GRB14: variants seen among roughly 807,000 people sequenced by gnomAD.
GRB14 encodes growth factor receptor-bound protein 14.
A neutral mutation model predicts 69.1 loss-of-function variants in GRB14; 38 were observed. The ratio of observed to expected loss-of-function variants is 0.55; its 90% CI spans 0.42 to 0.72. GRB14 has a LOEUF of 0.72. GRB14 is among the 30% of genes least tolerant of loss of function. GRB14 has a pLI of 0.00. For synonymous variants in GRB14, 247 were observed against 241.3 expected (o/e 1.02, Z -0.22); for missense variants, 666 against 666.1 (o/e 1.00, Z 0.00).
rs1688001674 is a variant in GRB14, at chr2:164,533,389, C to T, written c.482-6254G>A. On this transcript the variant is annotated intron_variant, in intron 3 of 13. Transcript: ENST00000263915. ...CTGGGACTACAGGCACCCGCCACTGCGCCCGGCTAATTTTTCCTATTTTTA... is the reference window on the plus strand; with the variant it reads ...CTGGGACTACAGGCACCCGCCACTGTGCCCGGCTAATTTTTCCTATTTTTA... Among the ~76,000 whole-genome samples, 6 of 151,972 alleles carry T rather than the reference C, an allele frequency of 3.9e-5. No homozygotes were observed. The South Asian group carries it at 1.0e-3, about 26-fold the overall frequency.
chr2:164,564,859 C>A (rs1467867095), intron 2 of GRB14, among the ~76,000 whole-genome samples: 1 of 151,984 alleles, frequency 6.6e-6, no homozygotes, highest in Non-Finnish European at 1.5e-5. Context: ...AGTAAAAATA[C>A]AAAAATTTAG....
At chr2:164,522,809 A>C (rs879109747) in intron 5 of GRB14, among the ~76,000 whole-genome samples, 1 of 152,086 alleles carries the variant, frequency 6.6e-6, no homozygotes, top group Non-Finnish European at 1.5e-5. Context: ...GAATCACAAA[A>C]AGGTGGAGTC....
chr2:164,606,224 G>A (rs1690037737), intron 2 of GRB14, among the ~76,000 whole-genome samples: 1 of 152,024 alleles, frequency 6.6e-6, no homozygotes, highest in South Asian at 2.1e-4. Flanking sequence ...CTCCCACTTT[G>A]AGAAATATGG....
At chr2:164,594,177 T>G (rs1689732964) in intron 2 of GRB14, among the ~76,000 whole-genome samples, 1 of 152,022 alleles carries the variant, frequency 6.6e-6, no homozygotes, top group African/African-American at 2.4e-5. Flanking sequence ...TTGTGCTGAC[T>G]CACAACACAG....
At chr2:164,521,824 T>C (rs1278500907) in intron 6 of GRB14, among the ~76,000 whole-genome samples, 156 bp downstream of exon 6, 3 of 151,970 alleles carry the variant, frequency 2.0e-5, no homozygotes, top group Non-Finnish European at 4.4e-5. Context: ...TAAAGCTGAG[T>C]AGTGTTTAAA....
At chr2:164,520,654 C>T (rs758073870) in intron 6 of GRB14, among the ~76,000 whole-genome samples, 1 of 151,468 alleles carries the variant, frequency 6.6e-6, no homozygotes, top group Non-Finnish European at 1.5e-5. Flanking sequence ...TCAAACAAAT[C>T]AGCAAGAAAA....
chr2:164,540,668 C>G (rs769103903), intron 3 of GRB14, among the ~76,000 whole-genome samples: 6 of 152,174 alleles, frequency 3.9e-5, no homozygotes, highest in Non-Finnish European at 7.3e-5. Flanking sequence ...CACTCTCCCT[C>G]TTTCCTCCTG....
intron 9 of GRB14, among the ~76,000 whole-genome samples, chr2:164,498,258 G>A (rs976019905): frequency 6.6e-6 from 1 of 151,976 alleles, no homozygotes; most frequent in African/African-American, 2.4e-5. Flanking sequence ...CTGATAGAAG[G>A]CAACTTTAAA....
chr2:164,508,943 T>G, intron 6 of GRB14, 91 bp from the exon 7 acceptor site: 1 of 743,698 alleles, frequency 1.3e-6, no homozygotes, highest in Non-Finnish European at 2.0e-6. Context: ...GGGCAAAAAC[T>G]TATGACCAAC....
At chr2:164,517,358 T>C (rs931427402) in intron 6 of GRB14, among the ~76,000 whole-genome samples, 7 of 152,150 alleles carry the variant, frequency 4.6e-5, no homozygotes, top group Admixed American at 2.0e-4. Flanking sequence ...TGAGATTTGG[T>C]TGGGGACACA....
At chr2:164,533,244 T>C (rs1687995381) in intron 3 of GRB14, among the ~76,000 whole-genome samples, 1 of 137,272 alleles carries the variant, frequency 7.3e-6, no homozygotes, top group Non-Finnish European at 1.6e-5. Flanking sequence ...TTTTTTTTTT[T>C]TTTTTTGAGA....
At chr2:164,525,660 T>G (rs1687751671) in intron 4 of GRB14, among the ~76,000 whole-genome samples, 1 of 152,120 alleles carries the variant, frequency 6.6e-6, no homozygotes, top group African/African-American at 2.4e-5. Context: ...GGGCAAGTCC[T>G]GGATTCTATG....
At chr2:164,620,182 T>C (rs536150208) in intron 1 of GRB14, among the ~76,000 whole-genome samples, 24 of 151,896 alleles carry the variant, frequency 1.6e-4, no homozygotes, top group Non-Finnish European at 1.2e-4. Context: ...ACTATACAAT[T>C]ACTAATCCAA....
intron 2 of GRB14, among the ~76,000 whole-genome samples, chr2:164,596,930 A>G (rs1465943434): frequency 6.6e-6 from 1 of 152,184 alleles, no homozygotes; most frequent in East Asian, 1.9e-4. Flanking sequence ...TGATTCCTAG[A>G]TCTAGTCTTT....
In GRB14 at chr2:164,494,422, A is replaced by ATTAC; in HGVS notation, c.1476+5_1476+8dup. On this transcript the variant is annotated intron_variant, in intron 13 of 13. Transcript: ENST00000263915. The stretch of plus-strand genomic sequence containing the variant: ...CTAATACACAAATGTGAAATCACGA[A>ATTAC]TTACTTACTGGTATAATTTGAAAGT... The ATTAC allele has an allele frequency of 7.1e-7, 1 of 1,404,116 alleles. No homozygotes were observed. Among genetic ancestry groups the ATTAC allele is most frequent in the Non-Finnish European group, 1.0e-6 (1 of 988,784 alleles). The allele number at this position is 1,404,116 out of a possible 1,614,324, so 87.0% of individuals were successfully genotyped here.
intron 2 of GRB14, among the ~76,000 whole-genome samples, chr2:164,585,090 T>C (rs1268187663): frequency 8.8e-5 from 2 of 22,772 alleles, no homozygotes; most frequent in Non-Finnish European, 8.9e-5. Flanking sequence ...CCTGGCTTTT[T>C]TTTTTTTTTT....
intron 2 of GRB14, among the ~76,000 whole-genome samples, chr2:164,613,272 TC>T (rs1304009640): frequency 1.3e-5 from 2 of 152,188 alleles, no homozygotes; most frequent in Non-Finnish European, 2.9e-5. Flanking sequence ...CTGTTTGAGA[TC>T]TTTTTTTTCC....
chr2:164,529,051 A>G (rs924881225), intron 3 of GRB14, among the ~76,000 whole-genome samples: 3 of 152,224 alleles, frequency 2.0e-5, no homozygotes, highest in Non-Finnish European at 2.9e-5. Flanking sequence ...TGGTATACGC[A>G]GTACCTACAA....
chr2:164,546,206 G>A (rs1021026261), intron 3 of GRB14, among the ~76,000 whole-genome samples: 5 of 152,176 alleles, frequency 3.3e-5, no homozygotes, highest in Admixed American at 1.3e-4. Flanking sequence ...GAAGAGGGGT[G>A]GGTAAATTAT....
Sources: allele counts gnomAD v4.1 joint callset (sites outside exome capture counted in the v4.1 genomes callset), GRCh38; gene constraint gnomAD v4.1.1; transcripts MANE v1.5; gene names NCBI Gene and HGNC (gene_info 2026-07-23, HGNC 2026-07-21).